MYRFL: variants seen among roughly 807,000 people sequenced by gnomAD.
MYRFL encodes myelin regulatory factor like, also known as myelin regulatory factor-like protein.
MYRFL carries 88 observed loss-of-function variants against 109.4 expected under a neutral mutation model. The ratio of observed to expected loss-of-function variants is 0.80; its 90% confidence interval spans 0.68 to 0.96. The LOEUF is 0.96. Among genes scored for constraint, MYRFL ranks in the 40% least tolerant of loss-of-function variants. MYRFL has a pLI of 0.00. For missense variants in MYRFL, 957 were observed against 954.9 expected (o/e 1.00, Z -0.03); for synonymous variants, 324 against 320.9 (o/e 1.01, Z -0.10).
chr12:69,946,942 G>A (rs981311057), intron 19 of MYRFL: 2 of 152,244 alleles, frequency 1.3e-5, no homozygotes, highest in African/African-American at 4.8e-5. Flanking sequence ...TCCACTCTAT[G>A]GCCCCTTCTG....
intron 11 of MYRFL, 40 bp from the exon 12 acceptor site, chr12:69,909,929 A>G (rs1319485869): frequency 7.3e-6 from 10 of 1,372,050 alleles, no homozygotes; most frequent in African/African-American, 2.9e-5. Context: ...AATAGCAAAT[A>G]TCTATGCGAG....
rs772928604 is a variant in MYRFL at position 69,915,509 on chromosome 12, G to T, written c.1602+4579G>T. Among the ~76,000 whole-genome samples, 3 of 152,272 alleles carry T rather than the reference G, an allele frequency of 2.0e-5. No individual in the cohort carries two copies. The South Asian group carries it at 6.2e-4, about 32-fold the overall frequency. The stretch of plus-strand genomic sequence containing the variant: ...GCCAAAATAGGAAAAAAGAATGTCT[G>T]GATCTTTATAGACTGTCTATGCAAG... On this transcript the variant is annotated intron_variant, in intron 13 of 24. Coordinates refer to ENST00000552032, the MANE Select transcript of MYRFL (RefSeq NM_182530.3).
In MYRFL at chr12:69,936,325, C is replaced by T. The variant is rs1335466460; in HGVS notation, c.2034C>T (p.Ala678=). The change falls in exon 18 of 25, where the codon GCC becomes GCT. Residue 678 remains alanine, a synonymous_variant. Coordinates refer to ENST00000552032, the MANE Select transcript of MYRFL (RefSeq NM_182530.3). ...SSQEPALLPT[A]SSSAPNTSLV... The stretch of plus-strand genomic sequence containing the variant: ...AGGAGCCAGCTCTGCTGCCCACAGC[C>T]TCCTCCTCAGGTAAAGGCTTCACAT... 1.3e-6 allele frequency: 2 copies of T among 1,535,928 alleles called. No homozygotes were observed. Among genetic ancestry groups the T allele is most frequent in the Admixed American group, 2.0e-5 (1 of 50,966 alleles).
intron 15 of MYRFL, 43 bp from the exon 16 acceptor site, chr12:69,932,468 TAG>T: frequency 1.5e-6 from 2 of 1,307,384 alleles, no homozygotes; most frequent in Non-Finnish European, 2.1e-6. Flanking sequence ...TTCTCACAGT[TAG>T]AGTTGCTAAT....
At chr12:69,951,388 C>T (rs117421773) in intron 19 of MYRFL, among the ~76,000 whole-genome samples, 41 of 150,110 alleles carry the variant, frequency 2.7e-4, no homozygotes, top group South Asian at 2.1e-4. Flanking sequence ...TCTGTGCACA[C>T]GTAGCCCTAG....
chr12:69,882,543 G>C (rs1255480592), intron 5 of MYRFL, among the ~76,000 whole-genome samples: 1 of 152,174 alleles, frequency 6.6e-6, no homozygotes, highest in Admixed American at 6.5e-5. Flanking sequence ...GAGATGGCCT[G>C]AGTCAATCAA....
intron 2 of MYRFL, among the ~76,000 whole-genome samples, chr12:69,859,661 A>G (rs1210603311): frequency 1.3e-5 from 2 of 152,208 alleles, no homozygotes; most frequent in East Asian, 1.9e-4. Flanking sequence ...CAAAAAACAC[A>G]TGAAAAAATG....
At position 69,880,951 on chromosome 12, in the gene MYRFL, G is replaced by GGTTTTTTTTT. The variant is rs1555246956; in HGVS notation, c.556+659_556+660insGTTTTTTTTT. Among the ~76,000 whole-genome samples the GGTTTTTTTTT allele has an allele frequency of 5.6e-3, 636 of 112,584 alleles. 53 individuals carry two copies. The highest frequency in any genetic ancestry group is 0.024 in the East Asian group (81 of 3,440). 73.9% of individuals were successfully genotyped at this position (112,584 alleles called of 152,430 possible). A position where few individuals can be genotyped will look rare whatever the true frequency, so the allele number is the denominator to read the frequency against. ...TAATGTCCAAGCGGTCAGCCTTCCTGTTTTTTTTTTTTTTTTTTGTCTTAT... is the reference window on the plus strand; with the variant it reads ...TAATGTCCAAGCGGTCAGCCTTCCTGGTTTTTTTTTTTTTTTTTTTTTTTTTTTGTCTTAT... On this transcript the variant is annotated intron_variant, in intron 5 of 24. Coordinates refer to ENST00000552032, the MANE Select transcript of MYRFL (RefSeq NM_182530.3).
intron 16 of MYRFL, among the ~76,000 whole-genome samples, chr12:69,935,638 T>A (rs1024189835): frequency 1.3e-5 from 2 of 152,336 alleles, no homozygotes; most frequent in Middle Eastern, 3.4e-3. Flanking sequence ...GGAAGGAAGA[T>A]GTCAGAGAAG....
chr12:69,888,499 A>C (rs1051479322), intron 6 of MYRFL, among the ~76,000 whole-genome samples: 3 of 152,234 alleles, frequency 2.0e-5, no homozygotes, highest in Non-Finnish European at 4.4e-5. Flanking sequence ...AACTTTTAAA[A>C]AGCCAGTTTA....
At chr12:69,955,566 T>A (rs1592906030) in intron 22 of MYRFL, 129 bp downstream of exon 22, 2 of 480,016 alleles carry the variant, frequency 4.2e-6, no homozygotes, top group East Asian at 6.6e-5. Context: ...TAATGATGGT[T>A]TGAGAGGTGG....
chr12:69,914,844 T>C lies in MYRFL; in HGVS notation c.1602+3914T>C, dbSNP rs574976743. ...AACTCACAGGAGTCCAGGAGGGAAA[T>C]GTTGTGATTCTCTTAAAAACAGGAC... On this transcript the variant is annotated intron_variant, in intron 13 of 24. Coordinates refer to ENST00000552032, the MANE Select transcript of MYRFL (RefSeq NM_182530.3). Among the ~76,000 whole-genome samples the C allele has an allele frequency of 1.6e-4, 25 of 152,086 alleles. No homozygotes were observed. In the South Asian group the frequency reaches 4.4e-3, roughly 27 times the overall value.
intron 2 of MYRFL, among the ~76,000 whole-genome samples, chr12:69,873,000 C>G (rs981451777): frequency 1.3e-5 from 2 of 152,102 alleles, no homozygotes; most frequent in African/African-American, 4.8e-5. Context: ...CACAATAGAC[C>G]TCCTTATTCA....
At chr12:69,887,572 A>C (rs896204549) in intron 6 of MYRFL, among the ~76,000 whole-genome samples, 1 of 152,230 alleles carries the variant, frequency 6.6e-6, no homozygotes, top group African/African-American at 2.4e-5. Context: ...TATTACTCTT[A>C]AACATCCTTT....
intron 1 of MYRFL, among the ~76,000 whole-genome samples, chr12:69,853,200 T>A (rs1007096551): frequency 6.9e-6 from 1 of 145,580 alleles, no homozygotes; most frequent in Non-Finnish European, 1.5e-5. Flanking sequence ...ACGGGGCAGC[T>A]GCCGGGCAGG....
chr12:69,844,261 G>GAGC, intron 1 of MYRFL, among the ~76,000 whole-genome samples: 1 of 152,324 alleles, frequency 6.6e-6, no homozygotes, highest in East Asian at 1.9e-4. Context: ...GCAGGTCCTA[G>GAGC]AGCTGTGGCC....
In MYRFL at chr12:69,879,217, G is replaced by A; in HGVS notation, c.228G>A (p.Arg76=). 1 of 702,798 alleles carries A rather than the reference G, an allele frequency of 1.4e-6. No individual in the cohort carries two copies. The highest frequency in any genetic ancestry group is 2.0e-5 in the Admixed American group (1 of 50,008). 43.5% of individuals were successfully genotyped at this position (702,798 alleles called of 1,614,324 possible). The change falls in exon 4 of 25, where the codon AGG becomes AGA. Residue 76 remains arginine, a synonymous_variant. Coordinates refer to ENST00000552032, the MANE Select transcript of MYRFL (RefSeq NM_182530.3). ...CAGGTGCATGCTACCCAACCCTGAG[G>A]CCCACAGCTGGGAGGACTCCAGCTC... ...QVKGACYPTL[R]PTAGRTPAPF...
At chr12:69,846,100 G>A (rs1489737492) in intron 1 of MYRFL, among the ~76,000 whole-genome samples, 3 of 101,572 alleles carry the variant, frequency 3.0e-5, no homozygotes, top group African/African-American at 1.1e-4. Context: ...ATTGGCTATT[G>A]ACTATCTTTT....
At chr12:69,870,529 A>C (rs1222453649) in intron 2 of MYRFL, among the ~76,000 whole-genome samples, 1 of 152,142 alleles carries the variant, frequency 6.6e-6, no homozygotes, top group African/African-American at 2.4e-5. Flanking sequence ...TCTTGACATG[A>C]CGATTGTGAG....
Sources: gnomAD v4.1 joint callset for allele counts (sites outside exome capture counted in the v4.1 genomes callset) on GRCh38, gnomAD v4.1.1 for gene constraint, MANE v1.5 for transcripts, NCBI Gene and HGNC (gene_info 2026-07-23, HGNC 2026-07-21) for gene names.